ASCC1: variants seen among roughly 807,000 people sequenced by gnomAD.
ASCC1 encodes ASC-1 complex subunit P50.
A neutral mutation model predicts 46.6 loss-of-function variants in ASCC1; 35 were observed. The observed-to-expected ratio is 0.75, with a 90% confidence interval of 0.57 to 0.99. ASCC1 has a LOEUF of 0.99. Ranked by LOEUF, ASCC1 falls within the 50% of genes least tolerant of loss-of-function variation. The pLI is 0.00. For synonymous variants in ASCC1, 143 were observed against 146.6 expected, an observed-to-expected ratio of 0.98 and a Z score of 0.18; for missense variants, 376 against 428.7, an observed-to-expected ratio of 0.88 and a Z score of 1.09.
chr10:72,138,950 C>T (rs1454075185), intron 7 of ASCC1, among the ~76,000 whole-genome samples: 1 of 152,048 alleles, frequency 6.6e-6, no homozygotes, highest in East Asian at 1.9e-4. Flanking sequence ...TAAACTAATG[C>T]CTAATTGGCA....
At chr10:72,102,891 C>T (rs1187828712) in intron 9 of ASCC1, 4 of 410,666 alleles carry the variant, frequency 9.7e-6, no homozygotes, top group Admixed American at 8.5e-5. Context: ...AGGAGAATCA[C>T]TTGAACCCGG....
intron 6 of ASCC1, among the ~76,000 whole-genome samples, chr10:72,160,690 C>G (rs1473557598): frequency 6.7e-6 from 1 of 149,900 alleles, no homozygotes; most frequent in East Asian, 1.9e-4. Context: ...CAGAGAAAGA[C>G]CCCGTCCCTA....
intron 7 of ASCC1, among the ~76,000 whole-genome samples, chr10:72,136,394 A>G (rs563584390): frequency 6.6e-6 from 1 of 152,176 alleles, no homozygotes; most frequent in South Asian, 2.1e-4. Flanking sequence ...TAAACGCACC[A>G]ATCAGCACTC....
intron 9 of ASCC1, among the ~76,000 whole-genome samples, chr10:72,126,256 T>C (rs1208821134): frequency 1.3e-5 from 2 of 152,212 alleles, no homozygotes; most frequent in African/African-American, 2.4e-5. Flanking sequence ...GTAGATTTCA[T>C]GTCAGAGATT....
chr10:72,134,925 G>C (rs1330525202), intron 7 of ASCC1, among the ~76,000 whole-genome samples: 1 of 152,206 alleles, frequency 6.6e-6, no homozygotes, highest in Non-Finnish European at 1.5e-5. Context: ...GAGCAGTTTT[G>C]CTAGCACACT....
chr10:72,118,248 T>A (rs1050831196), intron 9 of ASCC1, among the ~76,000 whole-genome samples: 1 of 151,274 alleles, frequency 6.6e-6, no homozygotes, highest in Non-Finnish European at 1.5e-5. Context: ...ACGCGTATAG[T>A]CCCAGCTACT....
At chr10:72,147,622 G>C (rs1847802898) in intron 7 of ASCC1, among the ~76,000 whole-genome samples, 1 of 152,076 alleles carries the variant, frequency 6.6e-6, no homozygotes, top group Non-Finnish European at 1.5e-5. Context: ...ACTCAACTTA[G>C]CATATACACA....
chr10:72,208,255 C>T (rs2133448821), intron 3 of ASCC1, among the ~76,000 whole-genome samples: 1 of 151,798 alleles, frequency 6.6e-6, no homozygotes, highest in East Asian at 1.9e-4. Context: ...AAGTCAGAAT[C>T]ATGCAAGGAA....
chr10:72,149,634 C>A (rs1170229960), intron 7 of ASCC1, among the ~76,000 whole-genome samples: 1 of 152,078 alleles, frequency 6.6e-6, no homozygotes, highest in South Asian at 2.1e-4. Flanking sequence ...GAACTGCCAT[C>A]TTAGATGATT....
chr10:72,197,636 T>C (rs939413531), intron 4 of ASCC1, among the ~76,000 whole-genome samples: 1 of 152,082 alleles, frequency 6.6e-6, no homozygotes, highest in Non-Finnish European at 1.5e-5. Flanking sequence ...CTGGGTGCAG[T>C]GGCTCACGCC....
chr10:72,130,204 A>G (rs1302857226), intron 8 of ASCC1, among the ~76,000 whole-genome samples: 1 of 152,060 alleles, frequency 6.6e-6, no homozygotes, highest in African/African-American at 2.4e-5. Flanking sequence ...GGTGGAGGTC[A>G]GGGGAGGGCA....
chr10:72,171,157 A>G (rs1444096494), intron 5 of ASCC1, among the ~76,000 whole-genome samples: 1 of 152,240 alleles, frequency 6.6e-6, no homozygotes, highest in East Asian at 1.9e-4. Flanking sequence ...GTTTAAAACT[A>G]CTTCCTGTAT....
chr10:72,198,392 G>C, intron 4 of ASCC1: 1 of 233,702 alleles, frequency 4.3e-6, no homozygotes, highest in Non-Finnish European at 7.6e-6. Context: ...GGAAGGGAAG[G>C]GAAGGGAAGG....
intron 5 of ASCC1, among the ~76,000 whole-genome samples, chr10:72,167,983 G>A (rs1850580261): frequency 6.6e-6 from 1 of 152,100 alleles, no homozygotes; most frequent in African/African-American, 2.4e-5. Context: ...GAGGTCAGGA[G>A]ATCGGGACCA....
rs114716960 is a variant in ASCC1, at chr10:72,145,476, C to T, written c.746+7393G>A. ...GAACCTTCCCACCACTCTTAGCCTGCAAACTCCAACTCTTTTAGATCTCAG... is the reference window on the plus strand; with the variant it reads ...GAACCTTCCCACCACTCTTAGCCTGTAAACTCCAACTCTTTTAGATCTCAG... On this transcript the variant is annotated intron_variant, in intron 7 of 9. Transcript: ENST00000672957. 3.9e-3 allele frequency among the ~76,000 whole-genome samples: 590 copies of T among 152,344 alleles called. 9 individuals carry two copies. Among genetic ancestry groups the T allele is most frequent in the African/African-American group, 0.014 (569 of 41,576 alleles).
chr10:72,117,062 T>G (rs1214507696), intron 9 of ASCC1, among the ~76,000 whole-genome samples: 1 of 152,192 alleles, frequency 6.6e-6, no homozygotes. Context: ...CCTCCCAAAG[T>G]GCTGGGATTA....
intron 6 of ASCC1, among the ~76,000 whole-genome samples, chr10:72,158,705 C>A (rs117705932): frequency 0.017 from 2,559 of 152,264 alleles, 23 homozygotes; most frequent in Middle Eastern, 0.048. Context: ...TCCAACATAG[C>A]CACATTTATT....
chr10:72,205,238 G>A (rs1270062019), intron 3 of ASCC1, among the ~76,000 whole-genome samples: 1 of 152,188 alleles, frequency 6.6e-6, no homozygotes, highest in Non-Finnish European at 1.5e-5. Flanking sequence ...GGGAGGCAGA[G>A]GCGGGCAAAT....
chr10:72,109,653 C>T (rs190763811), intron 9 of ASCC1, among the ~76,000 whole-genome samples: 5 of 152,248 alleles, frequency 3.3e-5, no homozygotes, highest in African/African-American at 1.2e-4. Flanking sequence ...GCTGGTAAGG[C>T]CAAATGACCT....
Sources: allele counts gnomAD v4.1 joint callset (sites outside exome capture counted in the v4.1 genomes callset), GRCh38; gene constraint gnomAD v4.1.1; transcripts MANE v1.5; gene names NCBI Gene and HGNC (gene_info 2026-07-23, HGNC 2026-07-21).